Variants in IKZF2 observed in about 807,000 individuals in gnomAD.
The protein encoded by IKZF2 is zinc finger protein Helios.
IKZF2 carries 15 observed loss-of-function variants against 49.2 expected under a neutral mutation model. The ratio of observed to expected loss-of-function variants is 0.30; its 90% CI spans 0.20 to 0.47. IKZF2 has a LOEUF of 0.47. IKZF2 is among the 20% of genes least tolerant of loss of function. IKZF2 has a pLI of 1.00. For missense variants in IKZF2, 567 were observed against 664.6 expected (o/e 0.85, Z 1.61); for synonymous variants, 227 against 221.4 (o/e 1.03, Z -0.23).
At chr2:213,008,169 C>G (rs906006809) in intron 8 of IKZF2, 85 bp from the exon 9 acceptor site, 13 of 1,400,486 alleles carry the variant, frequency 9.3e-6, no homozygotes, top group Non-Finnish European at 1.2e-5. Flanking sequence ...TGAAAGGGTA[C>G]GAAGTTGACT....
intron 5 of IKZF2, among the ~76,000 whole-genome samples, chr2:213,054,981 C>T (rs2125368316): frequency 6.6e-6 from 1 of 152,140 alleles, no homozygotes; most frequent in South Asian, 2.1e-4. Flanking sequence ...TACAGTGAAT[C>T]ACTGATTAAC....
intron 6 of IKZF2, among the ~76,000 whole-genome samples, chr2:213,024,508 G>A (rs180749165): frequency 2.6e-5 from 4 of 152,140 alleles, no homozygotes; most frequent in African/African-American, 7.2e-5. Flanking sequence ...AAGAATGGTG[G>A]TGTAGTATAA....
chr2:213,009,627 C>G (rs1327945081), intron 8 of IKZF2, among the ~76,000 whole-genome samples: 1 of 152,050 alleles, frequency 6.6e-6, no homozygotes, highest in African/African-American at 2.4e-5. Context: ...CAATGTCAAA[C>G]ATTTCCAAAT....
intron 4 of IKZF2, among the ~76,000 whole-genome samples, chr2:213,141,156 T>C (rs923078941): frequency 1.3e-5 from 2 of 152,038 alleles, no homozygotes; most frequent in African/African-American, 4.8e-5. Flanking sequence ...TTAATTCTAC[T>C]ACCCAAGTAC....
intron 8 of IKZF2, among the ~76,000 whole-genome samples, chr2:213,008,962 T>C (rs1176996977): frequency 6.6e-6 from 1 of 152,090 alleles, no homozygotes; most frequent in Non-Finnish European, 1.5e-5. Context: ...CTAATAAAAA[T>C]GAATGAAATG....
chr2:213,100,014 G>A (rs908940404), intron 4 of IKZF2, among the ~76,000 whole-genome samples: 1 of 152,060 alleles, frequency 6.6e-6, no homozygotes, highest in African/African-American at 2.4e-5. Context: ...ACTAATATAA[G>A]TGGGTTTTTG....
At chr2:213,019,428 C>T (rs1696964599) in intron 7 of IKZF2, among the ~76,000 whole-genome samples, 1 of 152,138 alleles carries the variant, frequency 6.6e-6, no homozygotes, top group Non-Finnish European at 1.5e-5. Flanking sequence ...TAATGATGAA[C>T]TCTAGCAGCA....
intron 8 of IKZF2, among the ~76,000 whole-genome samples, chr2:213,008,697 G>A (rs1338262865): frequency 6.6e-6 from 1 of 152,048 alleles, no homozygotes; most frequent in African/African-American, 2.4e-5. Context: ...AGCTCAAGGA[G>A]AATAGGAGGA....
At position 213,120,483 on chromosome 2, in the gene IKZF2, A is replaced by G. The variant is rs556474664; in HGVS notation, c.139+27225T>C. On this transcript the variant is annotated intron_variant, in intron 4 of 8. Coordinates refer to ENST00000434687, the MANE Select transcript of IKZF2 (RefSeq NM_001387220.1). ...CAAGTATCTGTGGCTGAAGCACAGT[A>G]TATGTGAAAAGGAATTTCAGGAGAT... 3.3e-5 allele frequency among the ~76,000 whole-genome samples: 5 copies of G among 152,364 alleles called. No individual in the cohort carries two copies. The East Asian group carries it at 9.6e-4, about 29-fold the overall frequency.
chr2:213,072,001 C>T (rs181333532), intron 4 of IKZF2, among the ~76,000 whole-genome samples: 4 of 152,082 alleles, frequency 2.6e-5, no homozygotes, highest in African/African-American at 2.4e-5. Flanking sequence ...GATACAAGAT[C>T]GCTATGACAA....
At chr2:213,077,325 A>G (rs1394090324) in intron 4 of IKZF2, among the ~76,000 whole-genome samples, 1 of 152,184 alleles carries the variant, frequency 6.6e-6, no homozygotes. Flanking sequence ...GTAAAATAAT[A>G]CTAGTCTTTT....
chr2:213,150,758 C>T (rs1372133), intron 1 of IKZF2, among the ~76,000 whole-genome samples: 122,284 of 147,462 alleles, frequency 0.83, 52,487 homozygotes, highest in East Asian at 0.94. Flanking sequence ...GCTAGGAACC[C>T]AGGCCAACTT....
Position 213,150,203 on chromosome 2 carries a change from T to TCTCA in IKZF2, c.-79_-76dup. On this transcript the variant is annotated 5_prime_UTR_variant, in exon 2 of 9. Coordinates refer to ENST00000434687, the MANE Select transcript of IKZF2 (RefSeq NM_001387220.1). The stretch of plus-strand genomic sequence containing the variant: ...CACCATTTCCAGCTCTGTCGGGAGA[T>TCTCA]CTCAGCTTCTTCTAACCCCTCAAAG... The TCTCA allele has an allele frequency of 1.5e-6, 2 of 1,302,592 alleles. No individual in the cohort carries two copies. 80.7% of individuals were successfully genotyped at this position (1,302,592 alleles called of 1,614,324 possible).
rs555574506 is a variant in IKZF2 at position 213,107,619 on chromosome 2, T to TA, written c.139+40088dup. The stretch of plus-strand genomic sequence containing the variant: ...GAACTGTGTAACTACCTTCATGTAT[T>TA]AGAGTTTTCAGTGAAAATTTAGATA... On this transcript the variant is annotated intron_variant, in intron 4 of 8. Transcript: ENST00000434687. Among the ~76,000 whole-genome samples, 918 of 152,332 alleles carry TA rather than the reference T, an allele frequency of 6.0e-3. 6 individuals carry two copies. Among genetic ancestry groups the TA allele is most frequent in the Non-Finnish European group, 9.8e-3 (669 of 68,018 alleles).
At chr2:213,126,965 C>T (rs1266277165) in intron 4 of IKZF2, among the ~76,000 whole-genome samples, 1 of 152,162 alleles carries the variant, frequency 6.6e-6, no homozygotes, top group African/African-American at 2.4e-5. Flanking sequence ...ACAGCCCATA[C>T]AGCATTCTGA....
At chr2:213,042,185 T>C (rs1699729225) in intron 6 of IKZF2, among the ~76,000 whole-genome samples, 1 of 151,162 alleles carries the variant, frequency 6.6e-6, no homozygotes, top group South Asian at 2.1e-4. Flanking sequence ...TAAAGCTTTA[T>C]AGAATAAACA....
At chr2:213,127,251 G>C (rs1202724634) in intron 4 of IKZF2, among the ~76,000 whole-genome samples, 1 of 152,174 alleles carries the variant, frequency 6.6e-6, no homozygotes, top group Non-Finnish European at 1.5e-5. Context: ...TTAGTGGCAG[G>C]TTGTGGAGAA....
Position 213,022,082 on chromosome 2 carries a change from C to T in IKZF2, c.623G>A (p.Arg208His), listed in dbSNP as rs754170741. The T allele has an allele frequency of 6.2e-6, 10 of 1,613,710 alleles. No individual in the cohort carries two copies. The highest frequency in any genetic ancestry group is 7.6e-6 in the Non-Finnish European group (9 of 1,179,786). Residue 208 changes from arginine to histidine, a missense_variant, in exon 7 of 9, where the codon CGC (arginine) becomes CAC (histidine). Physicochemically the swap from Arg to His is conservative, Grantham distance 29 (BLOSUM62 0). This residue lies in a region of IKZF2 where 310 missense variants were observed against 326.9 expected (regional missense o/e 0.95). Transcript: ENST00000434687. Reference sequence around the variant, plus strand: ...TTCCTTGTGCTCCTCCAGTGAACTGCGCTGCTTGTAGCTTCGTCCACAGTA... The same window carrying T: ...TTCCTTGTGCTCCTCCAGTGAACTGTGCTGCTTGTAGCTTCGTCCACAGTA... ...CNYCGRSYKQ[R>H]SSLEEHKERC...
intron 6 of IKZF2, among the ~76,000 whole-genome samples, chr2:213,043,239 C>A (rs1346913456): frequency 4.0e-5 from 6 of 151,878 alleles, no homozygotes; most frequent in Admixed American, 2.0e-4. Context: ...TATTGTATTC[C>A]AGATATTTTT....
Sources: allele counts gnomAD v4.1 joint callset (sites outside exome capture counted in the v4.1 genomes callset), GRCh38; gene constraint gnomAD v4.1.1; regional missense constraint gnomAD v4.1.1; transcripts MANE v1.5; gene names NCBI Gene and HGNC (gene_info 2026-07-23, HGNC 2026-07-21).